Variants in FHIT observed in about 807,000 individuals in gnomAD.
The protein encoded by FHIT is bis(5'-adenosyl)-triphosphatase.
FHIT carries 19 observed loss-of-function variants against 17.9 expected under a neutral mutation model. The observed-to-expected ratio is 1.06, with a 90% CI of 0.74 to 1.56. The LOEUF (loss-of-function observed/expected upper bound fraction) is 1.56. FHIT is among the 40% of genes most tolerant of loss of function. FHIT has a pLI of 0.00. For synonymous variants in FHIT, 81 were observed against 69.7 expected (o/e 1.16, Z -0.81); for missense variants, 248 against 189.2 (o/e 1.31, Z -1.82).
At chr3:60,833,148 C>A (rs1244613151) in intron 3 of FHIT, among the ~76,000 whole-genome samples, 1 of 152,048 alleles carries the variant, frequency 6.6e-6, no homozygotes, top group African/African-American at 2.4e-5. Flanking sequence ...AGAGCAGAAG[C>A]CCCATCATAT....
chr3:60,398,656 T>C (rs941860353), intron 5 of FHIT, among the ~76,000 whole-genome samples: 2 of 152,152 alleles, frequency 1.3e-5, no homozygotes, highest in African/African-American at 4.8e-5. Context: ...TTGTCTGAAA[T>C]CTAGGGTGAT....
chr3:60,058,422 C>A (rs1200294053), intron 5 of FHIT, among the ~76,000 whole-genome samples: 1 of 152,174 alleles, frequency 6.6e-6, no homozygotes, highest in Non-Finnish European at 1.5e-5. Flanking sequence ...AGCCACCGTG[C>A]TGACCGTGTA....
At chr3:60,901,511 A>T (rs184561269) in intron 3 of FHIT, among the ~76,000 whole-genome samples, 51 of 152,324 alleles carry the variant, frequency 3.3e-4, no homozygotes, top group South Asian at 2.5e-3. Flanking sequence ...TTAAAGAATA[A>T]CTCTAAGTCA....
intron 5 of FHIT, among the ~76,000 whole-genome samples, chr3:60,031,738 G>A (rs1032842535): frequency 2.0e-5 from 3 of 152,124 alleles, no homozygotes; most frequent in Non-Finnish European, 1.5e-5. Context: ...TGGGGCTTAG[G>A]TCAGGAGTTC....
chr3:60,789,590 T>G (rs1553727980), intron 4 of FHIT, among the ~76,000 whole-genome samples: 1 of 152,200 alleles, frequency 6.6e-6, no homozygotes, highest in Non-Finnish European at 1.5e-5. Flanking sequence ...ATTCTCTGGA[T>G]TCTCAGGTCT....
At chr3:60,899,109 C>T (rs983976425) in intron 3 of FHIT, among the ~76,000 whole-genome samples, 3 of 152,292 alleles carry the variant, frequency 2.0e-5, no homozygotes, top group Admixed American at 6.5e-5. Flanking sequence ...CCCTAATTAT[C>T]CAGTTTAGGG....
At chr3:59,992,274 A>G (rs907010950) in intron 7 of FHIT, among the ~76,000 whole-genome samples, 3 of 152,060 alleles carry the variant, frequency 2.0e-5, no homozygotes, top group Admixed American at 6.6e-5. Context: ...GGTTTAAGAC[A>G]TATATTTGTC....
At chr3:60,699,570 C>T (rs1269928177) in intron 4 of FHIT, among the ~76,000 whole-genome samples, 9 of 151,928 alleles carry the variant, frequency 5.9e-5, no homozygotes, top group Non-Finnish European at 7.4e-5. Flanking sequence ...AATTTTGGCC[C>T]ATTTTTCTAT....
chr3:60,929,846 G>A (rs1707851657), intron 3 of FHIT, among the ~76,000 whole-genome samples: 1 of 152,184 alleles, frequency 6.6e-6, no homozygotes, highest in South Asian at 2.1e-4. Flanking sequence ...TTCCTTCACA[G>A]AATTGGAAAA....
At chr3:60,877,082 T>A (rs782330246) in intron 3 of FHIT, among the ~76,000 whole-genome samples, 1 of 152,204 alleles carries the variant, frequency 6.6e-6, no homozygotes, top group Admixed American at 6.6e-5. Flanking sequence ...TAAGTCCAGC[T>A]GAGGGAGCTG....
At chr3:61,061,198 T>C (rs2034416322) in intron 2 of FHIT, among the ~76,000 whole-genome samples, 2 of 152,148 alleles carry the variant, frequency 1.3e-5, no homozygotes, top group South Asian at 2.1e-4. Flanking sequence ...AGTGAGATGA[T>C]TGAAGTTTAT....
At chr3:60,815,760 C>T (rs1287092857) in intron 4 of FHIT, among the ~76,000 whole-genome samples, 2 of 151,912 alleles carry the variant, frequency 1.3e-5, no homozygotes, top group Non-Finnish European at 2.9e-5. Flanking sequence ...TTTTCCAGTT[C>T]TGTGAAATAT....
chr3:60,356,942 A>C (rs1354118326), intron 5 of FHIT, among the ~76,000 whole-genome samples: 2 of 152,164 alleles, frequency 1.3e-5, no homozygotes, highest in African/African-American at 4.8e-5. Flanking sequence ...TCATAGATCA[A>C]TACCAAACAA....
At position 60,418,404 on chromosome 3, in the gene FHIT, A is replaced by G. The variant is rs1233552903; in HGVS notation, c.103+118456T>C. Among the ~76,000 whole-genome samples the G allele has an allele frequency of 8.9e-4, 115 of 129,896 alleles. 13 individuals are homozygous for G. The East Asian group carries it at 0.014, about 15-fold the overall frequency. The allele number at this position is 129,896 out of a possible 152,430, so 85.2% of individuals were successfully genotyped here. A position where few individuals can be genotyped will look rare whatever the true frequency, so the allele number is the denominator to read the frequency against. The stretch of plus-strand genomic sequence containing the variant: ...TATATATATATATATATATATATAT[A>G]TATATATATATATATATATATACGT... On this transcript the variant is annotated intron_variant, in intron 5 of 9. Transcript: ENST00000492590.
intron 4 of FHIT, among the ~76,000 whole-genome samples, chr3:60,745,287 GA>G (rs201772908): frequency 0.011 from 1,727 of 152,312 alleles, 14 homozygotes; most frequent in South Asian, 0.035. Context: ...AAAGCCAGGG[GA>G]AAAGCATCAT....
At chr3:60,002,408 C>T (rs1283845869) in intron 7 of FHIT, among the ~76,000 whole-genome samples, 2 of 152,108 alleles carry the variant, frequency 1.3e-5, no homozygotes, top group Non-Finnish European at 2.9e-5. Flanking sequence ...TTTTGGTGAA[C>T]AAGAGGCTTC....
intron 5 of FHIT, among the ~76,000 whole-genome samples, chr3:60,037,777 G>T (rs2106817317): frequency 6.7e-6 from 1 of 149,138 alleles, no homozygotes; most frequent in South Asian, 2.2e-4. Flanking sequence ...GCAGTGACAT[G>T]ATCTCGGCTC....
In FHIT at chr3:60,237,033, T is replaced by C. The variant is rs1232571934; in HGVS notation, c.104-222881A>G. On this transcript the variant is annotated intron_variant, in intron 5 of 9. Transcript: ENST00000492590. The stretch of plus-strand genomic sequence containing the variant: ...CTTTAAGTACTAGCATTCCACACTT[T>C]GGATATACCAACATTTATTCATCAT... Among the ~76,000 whole-genome samples, 4 of 152,290 alleles carry C rather than the reference T, an allele frequency of 2.6e-5. No individual in the cohort carries two copies. The East Asian group carries it at 7.7e-4, about 29-fold the overall frequency.
rs1473244205 is a variant in FHIT at position 59,747,844 on chromosome 3, A to C, written c.*1741T>G. Among the ~76,000 whole-genome samples, 1 of 152,070 alleles carries C rather than the reference A, an allele frequency of 6.6e-6. No homozygotes were observed. The highest frequency in any genetic ancestry group is 2.4e-5 in the African/African-American group (1 of 41,412). On this transcript the variant is annotated 3_prime_UTR_variant, in exon 10 of 10. Coordinates refer to ENST00000492590, the MANE Select transcript of FHIT (RefSeq NM_002012.4). ...GGAGTACTGGTTTAGGGTTGAAGCA[A>C]GTCTAAAGCCAGCTTGCTCTGGGTT... is the stretch of plus-strand genomic sequence containing the variant.
Sources: allele counts gnomAD v4.1 joint callset (sites outside exome capture counted in the v4.1 genomes callset), GRCh38; gene constraint gnomAD v4.1.1; transcripts MANE v1.5; gene names NCBI Gene and HGNC (gene_info 2026-07-23, HGNC 2026-07-21).